Variants in TET1 observed in about 807,000 individuals in gnomAD.
The protein encoded by TET1 is methylcytosine dioxygenase TET1.
In TET1, 13 loss-of-function variants were observed where a neutral mutation model predicts 148.7. That is an observed-to-expected ratio of 0.09 (90% CI 0.06 to 0.14). The LOEUF (loss-of-function observed/expected upper bound fraction) is 0.14, where lower values mean the gene tolerates loss of function less well. TET1 is among the 10% of genes least tolerant of loss of function. The pLI is 1.00. For synonymous variants in TET1, 907 were observed against 937.2 expected (o/e 0.97, Z 0.59); for missense variants, 2,182 against 2,553.8 (o/e 0.85, Z 3.14).
rs1170188561 is a variant in TET1 at position 68,607,274 on chromosome 10, T to A, written c.1968+6240T>A. Among the ~76,000 whole-genome samples the A allele has an allele frequency of 2.0e-5, 3 of 152,290 alleles. No homozygotes were observed. In the South Asian group the frequency reaches 6.2e-4, roughly 32 times the overall value. ...CTGGTACGTGTTTGTGTTTTGATAG[T>A]GCCGGATTCATACTGTTTCTGAGTT... On this transcript the variant is annotated intron_variant, in intron 3 of 11. Transcript: ENST00000373644.
chr10:68,563,693 GTT>G (rs910174939), intron 1 of TET1, among the ~76,000 whole-genome samples: 1 of 152,166 alleles, frequency 6.6e-6, no homozygotes, highest in Non-Finnish European at 1.5e-5. Context: ...TTTTTTGTTT[GTT>G]TTTTGAGACG....
chr10:68,633,820 T>C (rs1385570068), intron 3 of TET1, among the ~76,000 whole-genome samples: 3 of 152,060 alleles, frequency 2.0e-5, no homozygotes, highest in Admixed American at 6.6e-5. Flanking sequence ...AAGGTAAAAA[T>C]ATAGAACATA....
rs1483131525 is a variant in TET1, at chr10:68,646,904, A to G, written c.4175A>G (p.Gln1392Arg). The G allele has an allele frequency of 1.9e-5, 31 of 1,614,214 alleles. No homozygotes were observed. Among genetic ancestry groups the G allele is most frequent in the Non-Finnish European group, 2.5e-5 (29 of 1,180,042 alleles). Residue 1392 changes from glutamine (Q) to arginine (R), a missense_variant, in exon 4 of 12, where the codon CAG becomes CGG. Around this residue, in one of 11 missense-constraint regions of TET1, gnomAD observed 169 missense variants for 263.7 expected, o/e 0.64. Transcript: ENST00000373644. ...TSEFSTVDSA[Q>R]KNFNDYAMNF... ...GAATTTTCCACAGTGGACAGTGCAC[A>G]GAAAAATTTTAATGATTATGCCATG... is the stretch of plus-strand genomic sequence containing the variant.
chr10:68,635,887 G>T (rs550531993), intron 3 of TET1, among the ~76,000 whole-genome samples: 1 of 152,252 alleles, frequency 6.6e-6, no homozygotes, highest in African/African-American at 2.4e-5. Context: ...GGCTCATCAA[G>T]GGGCCAAGAG....
intron 2 of TET1, among the ~76,000 whole-genome samples, chr10:68,595,977 CAT>C (rs1434473215): frequency 7.4e-4 from 44 of 59,068 alleles, no homozygotes; most frequent in East Asian, 1.7e-3. Flanking sequence ...CACACACACA[CAT>C]ATATACACAC....
intron 6 of TET1, among the ~76,000 whole-genome samples, chr10:68,664,898 C>T (rs1288406444): frequency 2.0e-5 from 3 of 151,866 alleles, no homozygotes; most frequent in African/African-American, 4.8e-5. Flanking sequence ...CCTCAGCCTT[C>T]TGAGCAACTG....
intron 1 of TET1, among the ~76,000 whole-genome samples, chr10:68,563,137 G>T (rs2053572333): frequency 1.3e-5 from 2 of 151,792 alleles, no homozygotes; most frequent in Admixed American, 6.6e-5. Context: ...CCCTTTTCTT[G>T]GCCCTTTTCC....
At chr10:68,687,703 C>G (rs1318243704) in intron 11 of TET1, among the ~76,000 whole-genome samples, 1 of 152,148 alleles carries the variant, frequency 6.6e-6, no homozygotes, top group Non-Finnish European at 1.5e-5. Flanking sequence ...ATCCTCCCAC[C>G]TCAGCCTCCC....
At position 68,652,081 on chromosome 10, in the gene TET1, G is replaced by T. The variant is rs148619588; in HGVS notation, c.4367+145G>T. The T allele has an allele frequency of 4.2e-4, 296 of 709,102 alleles. 3 individuals are homozygous for T. The highest frequency in any genetic ancestry group is 3.0e-3 in the South Asian group (147 of 48,760). The allele number at this position is 709,102 out of a possible 1,614,324, so 43.9% of individuals were successfully genotyped here. A position where few individuals can be genotyped will look rare whatever the true frequency, so the allele number is the denominator to read the frequency against. On this transcript the variant is annotated intron_variant, in intron 5 of 11. Transcript: ENST00000373644. Reference sequence around the variant, plus strand: ...TTTCTTAGGGCCCAACAAAAGAGGGGTGTCCTCGTGTCCCTACTGAGCCAC... The same window carrying T: ...TTTCTTAGGGCCCAACAAAAGAGGGTTGTCCTCGTGTCCCTACTGAGCCAC...
chr10:68,677,777 C>T (rs1018030028), intron 8 of TET1, among the ~76,000 whole-genome samples: 1 of 152,150 alleles, frequency 6.6e-6, no homozygotes, highest in East Asian at 1.9e-4. Flanking sequence ...TGCGCCACCA[C>T]GCCCAGCTAA....
chr10:68,565,478 AT>A (rs757741309), intron 1 of TET1, among the ~76,000 whole-genome samples: 4,279 of 65,072 alleles, frequency 0.066, 89 homozygotes, highest in Admixed American at 0.11. Context: ...AAAAAAAAAT[AT>A]ATATATATAT....
chr10:68,635,743 C>A (rs761927995), intron 3 of TET1, among the ~76,000 whole-genome samples: 1 of 152,126 alleles, frequency 6.6e-6, no homozygotes, highest in African/African-American at 2.4e-5. Context: ...GTAATCCCAG[C>A]CTTTTGGGAG....
At position 68,561,725 on chromosome 10, in the gene TET1, GC is replaced by G. The variant is rs2053556637; in HGVS notation, c.-123+985del. 2.0e-4 allele frequency among the ~76,000 whole-genome samples: 29 copies of G among 146,134 alleles called. 1 individual carries two copies. The highest frequency in any genetic ancestry group is 1.4e-3 in the Admixed American group (21 of 14,534). ...CTCCCTCTCCCCCGCTCCGGTCCCC[GC>G]CTCTCTCGCCCCAGGCTCTTGAATA... On this transcript the variant is annotated intron_variant, in intron 1 of 11. Coordinates refer to ENST00000373644, the MANE Select transcript of TET1 (RefSeq NM_030625.3).
intron 3 of TET1, among the ~76,000 whole-genome samples, chr10:68,626,551 T>C (rs1032489067): frequency 5.9e-5 from 9 of 151,742 alleles, no homozygotes; most frequent in African/African-American, 2.2e-4. Flanking sequence ...TTTATTACTT[T>C]ATTATTATTA....
intron 4 of TET1, among the ~76,000 whole-genome samples, chr10:68,650,867 A>C (rs932585004): frequency 6.6e-6 from 1 of 152,208 alleles, no homozygotes; most frequent in African/African-American, 2.4e-5. Flanking sequence ...TGGTGCAGAA[A>C]TACGACGCAA....
chr10:68,644,618 G>C, intron 3 of TET1, 80 bp from the exon 4 acceptor site: 1 of 1,374,282 alleles, frequency 7.3e-7, no homozygotes, highest in South Asian at 1.6e-5. Flanking sequence ...TTTACATTTA[G>C]TTGTTATTAA....
At chr10:68,563,063 G>C (rs140031656) in intron 1 of TET1, among the ~76,000 whole-genome samples, 27 of 151,532 alleles carry the variant, frequency 1.8e-4, no homozygotes, top group African/African-American at 6.6e-4. Context: ...ACTTCCTCCT[G>C]TTGTGTGTTA....
intron 2 of TET1, among the ~76,000 whole-genome samples, chr10:68,576,220 G>T (rs1041390173): frequency 2.6e-5 from 4 of 151,768 alleles, no homozygotes; most frequent in Non-Finnish European, 5.9e-5. Flanking sequence ...GAGTGGTGGT[G>T]CATGCCTGTA....
intron 3 of TET1, among the ~76,000 whole-genome samples, chr10:68,603,260 C>T (rs2054081466): frequency 6.6e-6 from 1 of 152,188 alleles, no homozygotes; most frequent in Admixed American, 6.5e-5. Flanking sequence ...GGATCATTTA[C>T]CCTTTGTCAG....
Sources: gnomAD v4.1 joint callset for allele counts (sites outside exome capture counted in the v4.1 genomes callset) on GRCh38, gnomAD v4.1.1 for gene constraint, gnomAD v4.1.1 regional missense constraint, MANE v1.5 for transcripts, NCBI Gene and HGNC (gene_info 2026-07-23, HGNC 2026-07-21) for gene names.